Variants in STK3 observed in about 807,000 individuals in gnomAD.
STK3 encodes the protein serine/threonine kinase 3, also known as serine/threonine-protein kinase 3.
STK3 carries 41 observed loss-of-function variants against 58.0 expected under a neutral mutation model. The ratio of observed to expected loss-of-function variants is 0.71; its 90% CI spans 0.55 to 0.92. The LOEUF is 0.92. Among genes scored for constraint, STK3 ranks in the 40% least tolerant of loss-of-function variants. STK3 has a pLI of 0.00. For missense variants in STK3, 479 were observed against 602.7 expected (o/e 0.79, Z 2.15); for synonymous variants, 170 against 191.0 (o/e 0.89, Z 0.91).
intron 1 of STK3, 78 bp downstream of exon 1, chr8:98,825,437 C>G: frequency 7.6e-7 from 1 of 1,317,930 alleles, no homozygotes; most frequent in Non-Finnish European, 9.9e-7. Context: ...AGGCTCGCAG[C>G]AGGGCCTGGC....
At chr8:98,365,045 C>T in the STK3 span, among the ~76,000 whole-genome samples, 1 of 152,180 alleles carries the variant, frequency 6.6e-6, no homozygotes, top group Non-Finnish European at 1.5e-5. Context: ...GTCCCCAGAG[C>T]CTCACCATCC....
intron 4 of STK3, among the ~76,000 whole-genome samples, chr8:98,744,702 T>C (rs1432909495): frequency 6.6e-6 from 1 of 151,932 alleles, no homozygotes; most frequent in Non-Finnish European, 1.5e-5. Flanking sequence ...CTGCACATTG[T>C]GCACATGTAC....
chr8:98,465,640 A>G (rs1052793248), intron 10 of STK3, among the ~76,000 whole-genome samples: 2 of 152,216 alleles, frequency 1.3e-5, no homozygotes, highest in African/African-American at 4.8e-5. Context: ...TAACAGAGAT[A>G]CCCTGACAAA....
chr8:98,459,300 CT>C (rs1052404819), intron 10 of STK3, among the ~76,000 whole-genome samples: 7 of 152,184 alleles, frequency 4.6e-5, no homozygotes, highest in African/African-American at 1.7e-4. Flanking sequence ...GATAGGGTAT[CT>C]GGGGGAATAA....
chr8:98,613,484 A>C (rs1221220215), intron 6 of STK3, among the ~76,000 whole-genome samples: 7 of 152,176 alleles, frequency 4.6e-5, no homozygotes, highest in Non-Finnish European at 7.4e-5. Flanking sequence ...ACAATGTAAA[A>C]ATAGAAAGCC....
intron 3 of STK3, among the ~76,000 whole-genome samples, chr8:98,414,477 T>C (rs1237348068): frequency 3.9e-5 from 6 of 152,214 alleles, no homozygotes; most frequent in Non-Finnish European, 8.8e-5. Context: ...CAGAAGATTG[T>C]GCCTCAGGCA....
At chr8:98,804,607 T>C (rs1031057138) in intron 1 of STK3, among the ~76,000 whole-genome samples, 1 of 152,224 alleles carries the variant, frequency 6.6e-6, no homozygotes, top group African/African-American at 2.4e-5. Flanking sequence ...GAATTTCTTA[T>C]CTTCAACTCA....
At chr8:98,351,976 G>A in the STK3 span, among the ~76,000 whole-genome samples, 11 of 151,998 alleles carry the variant, frequency 7.2e-5, no homozygotes, top group Non-Finnish European at 1.2e-4. Flanking sequence ...TGGCTAACAC[G>A]GTTAAACCCC....
At chr8:98,521,581 CCTT>C (rs1394462640) in intron 10 of STK3, among the ~76,000 whole-genome samples, 1 of 152,112 alleles carries the variant, frequency 6.6e-6, no homozygotes, top group African/African-American at 2.4e-5. Context: ...CAACTTAAAA[CCTT>C]CAGTGGCTTT....
chr8:98,635,053 T>C (rs996486937), intron 6 of STK3, among the ~76,000 whole-genome samples: 17 of 151,600 alleles, frequency 1.1e-4, no homozygotes, highest in African/African-American at 4.1e-4. Flanking sequence ...AAATAAGTGA[T>C]GGGTAGGAGA....
At chr8:98,758,185 A>G (rs1292365769) in intron 3 of STK3, among the ~76,000 whole-genome samples, 1 of 152,240 alleles carries the variant, frequency 6.6e-6, no homozygotes, top group Non-Finnish European at 1.5e-5. Flanking sequence ...GAAACCTTGG[A>G]TCAGGCAGAT....
chr8:98,777,903 T>A (rs893577323), intron 1 of STK3, among the ~76,000 whole-genome samples: 1 of 152,186 alleles, frequency 6.6e-6, no homozygotes, highest in Non-Finnish European at 1.5e-5. Context: ...GATTTACATG[T>A]TAGACCTAAA....
chr8:98,401,046 A>C (rs1472695483), downstream of STK3, among the ~76,000 whole-genome samples: 1 of 152,140 alleles, frequency 6.6e-6, no homozygotes. Context: ...GCAACTTCCA[A>C]AAAGCAAGTT....
At chr8:98,914,492 A>ACACACTCT (rs1554701657) in intron 1 of STK3, among the ~76,000 whole-genome samples, 20 of 136,380 alleles carry the variant, frequency 1.5e-4, no homozygotes, top group Non-Finnish European at 3.2e-4. Context: ...ACACACACAC[A>ACACACTCT]CTCTCTCTCT....
chr8:98,594,046 G>A (rs1393357811), intron 7 of STK3, among the ~76,000 whole-genome samples: 2 of 152,122 alleles, frequency 1.3e-5, no homozygotes, highest in South Asian at 2.1e-4. Flanking sequence ...GATAGCTCAC[G>A]CCTATAATCC....
rs1334447320 is a variant in STK3 at position 98,668,807 on chromosome 8, G to A, written c.684+37660C>T. On this transcript the variant is annotated intron_variant, in intron 6 of 10. Transcript: ENST00000419617. ...CAGAGAAAGCCAACCATCAACTGAA[G>A]TGTGTTACAAATTTCCTTCTCAGAG... Among the ~76,000 whole-genome samples the A allele has an allele frequency of 2.0e-5, 3 of 152,152 alleles. No homozygotes were observed. In the East Asian group the frequency reaches 5.8e-4, roughly 29 times the overall value.
At chr8:98,344,914 A>AAG in the STK3 span, among the ~76,000 whole-genome samples, 2 of 149,446 alleles carry the variant, frequency 1.3e-5, no homozygotes, top group African/African-American at 5.0e-5. Flanking sequence ...AAAAAAAAAA[A>AAG]AAAAGAAAAT....
At chr8:98,668,271 G>GA (rs1268439875) in intron 6 of STK3, among the ~76,000 whole-genome samples, 3 of 152,152 alleles carry the variant, frequency 2.0e-5, no homozygotes, top group Non-Finnish European at 4.4e-5. Context: ...TTTGACAGGT[G>GA]AAAACTTCTT....
intron 4 of STK3, among the ~76,000 whole-genome samples, chr8:98,723,336 T>C (rs1827569346): frequency 6.6e-6 from 1 of 152,156 alleles, no homozygotes; most frequent in African/African-American, 2.4e-5. Context: ...AATTTCATTG[T>C]ACGAAAACAA....
Sources: allele counts gnomAD v4.1 joint callset (sites outside exome capture counted in the v4.1 genomes callset), GRCh38; gene constraint gnomAD v4.1.1; transcripts MANE v1.5; gene names NCBI Gene and HGNC (gene_info 2026-07-23, HGNC 2026-07-21).